The following PSORS1C1 variants were observed in gnomAD, a reference collection of about 807,000 sequenced individuals.
PSORS1C1 encodes psoriasis susceptibility 1 candidate gene 1 protein.
A neutral mutation model predicts 9.4 loss-of-function variants in PSORS1C1; 7 were observed. That is an observed-to-expected ratio of 0.75 (90% confidence interval 0.42 to 1.40). The LOEUF is 1.40. Among genes scored for constraint, PSORS1C1 ranks in the 40% most tolerant of loss-of-function variants. PSORS1C1 has a pLI of 0.01. For missense variants in PSORS1C1, 146 were observed against 178.1 expected (o/e 0.82, Z 1.02); for synonymous variants, 63 against 69.4 (o/e 0.91, Z 0.46).
chr6:31,138,288 C>T (rs2233950), intron 3 of PSORS1C1, 142 bp from the exon 4 acceptor site: 57,537 of 1,585,792 alleles, frequency 0.036, 1,670 homozygotes, highest in East Asian at 0.072. Flanking sequence ...AGAGGGGTGG[C>T]CCTCGCTGCC....
At chr6:31,133,308 G>A (rs1408817846) in intron 3 of PSORS1C1, among the ~76,000 whole-genome samples, 3 of 152,190 alleles carry the variant, frequency 2.0e-5, no homozygotes, top group Non-Finnish European at 4.4e-5. Flanking sequence ...GGAAGGAGTG[G>A]TGTAGGCAGA....
At chr6:31,129,548 C>A in intron 2 of PSORS1C1, 21 bp from the exon 3 acceptor site, 1 of 773,340 alleles carries the variant, frequency 1.3e-6, no homozygotes. Context: ...CTCTTTCCCA[C>A]TCACCTACCT....
chr6:31,140,032 C>G lies in PSORS1C1; in HGVS notation c.*100C>G, dbSNP rs766209931. Reference sequence around the variant, plus strand: ...AACATGTCCAAAATAAAATTTGATTCCTCCCAGGTTGTTCCCTGCCTGGTC... The same window carrying G: ...AACATGTCCAAAATAAAATTTGATTGCTCCCAGGTTGTTCCCTGCCTGGTC... On this transcript the variant is annotated 3_prime_UTR_variant, in exon 6 of 6. Transcript: ENST00000259881. This position sits in a 1 kb window ranked among gnomAD's most constrained non-coding sequence, Gnocchi z 4.6. 1.7e-6 allele frequency: 2 copies of G among 1,199,264 alleles called. No homozygotes were observed. Among genetic ancestry groups the G allele is most frequent in the African/African-American group, 3.0e-5 (2 of 65,842 alleles). The allele number at this position is 1,199,264 out of a possible 1,614,324, so 74.3% of individuals were successfully genotyped here.
chr6:31,137,044 A>G (rs193168791), intron 3 of PSORS1C1, among the ~76,000 whole-genome samples: 2 of 152,264 alleles, frequency 1.3e-5, no homozygotes, highest in Admixed American at 6.5e-5. Flanking sequence ...GCTACTCAGA[A>G]GGCTGAGGCA....
At chr6:31,136,925 C>A (rs3130572) in intron 3 of PSORS1C1, among the ~76,000 whole-genome samples, 15,478 of 151,630 alleles carry the variant, frequency 0.1, 835 homozygotes, top group Middle Eastern at 0.21. Flanking sequence ...CCGAGGTGGG[C>A]AGATCACGAT....
intron 1 of PSORS1C1, chr6:31,117,183 G>A (rs1456102487): frequency 1.2e-6 from 2 of 1,611,862 alleles, no homozygotes; most frequent in Non-Finnish European, 8.5e-7. Flanking sequence ...AGTGAGAGCC[G>A]CTGTTTCCCG....
At chr6:31,127,463 C>A (rs1365341656) in intron 2 of PSORS1C1, among the ~76,000 whole-genome samples, 5 of 152,038 alleles carry the variant, frequency 3.3e-5, no homozygotes, top group Admixed American at 1.3e-4. Flanking sequence ...CACCAGAGAC[C>A]GGCGCCGACT....
chr6:31,138,491 A>G (rs3130573), intron 4 of PSORS1C1, 32 bp downstream of exon 4: 551,441 of 1,609,828 alleles, frequency 0.34, 96,815 homozygotes, highest in African/African-American at 0.45. Context: ...TGATGGTAAA[A>G]TGTCATGAAC....
chr6:31,122,027 C>T (rs1469528945), intron 1 of PSORS1C1, among the ~76,000 whole-genome samples: 1 of 152,104 alleles, frequency 6.6e-6, no homozygotes, highest in Non-Finnish European at 1.5e-5. Flanking sequence ...GGACAGGGTC[C>T]CCTGAAGGGG....
At chr6:31,137,606 C>G in intron 3 of PSORS1C1, 1 of 318,454 alleles carries the variant, frequency 3.1e-6, no homozygotes, top group Non-Finnish European at 5.7e-6. Context: ...CTGCCGCCGG[C>G]CACCAGGTGG....
rs142210172 is a variant in PSORS1C1 at position 31,125,146 on chromosome 6, G to A, written c.-228-530G>A. Among the ~76,000 whole-genome samples, 424 of 152,262 alleles carry A rather than the reference G, an allele frequency of 2.8e-3. 5 individuals carry two copies. The highest frequency in any genetic ancestry group is 0.01 in the Middle Eastern group (3 of 294). ...GGAAGAAGGAAAATGGAGTGAGCAC[G>A]AGGAAGAGAAAAAGCCTGGAAAAGC... On this transcript the variant is annotated intron_variant, in intron 1 of 5. Coordinates refer to ENST00000259881, the MANE Select transcript of PSORS1C1 (RefSeq NM_014068.3).
chr6:31,117,609 G>A (rs576964985), intron 1 of PSORS1C1: 204 of 1,219,910 alleles, frequency 1.7e-4, no homozygotes, highest in Middle Eastern at 8.0e-4. Context: ...CTCAGTCATC[G>A]GCCTCTCGGG....
chr6:31,117,926 C>A, intron 1 of PSORS1C1: 1 of 195,014 alleles, frequency 5.1e-6, no homozygotes. Flanking sequence ...TAGACCCCGT[C>A]TGTATTTTGT....
Position 31,139,607 on chromosome 6 carries a change from C to T in PSORS1C1, c.168-34C>T. On this transcript the variant is annotated intron_variant, in intron 5 of 5. Transcript: ENST00000259881. This position sits in a 1 kb window ranked among gnomAD's most constrained non-coding sequence, Gnocchi z 5.2. Reference sequence around the variant, plus strand: ...GGCACTTCCCTTCCCCCATGGGATCCAGGCATCCTGCTCTCCACCATGTCC... The same window carrying T: ...GGCACTTCCCTTCCCCCATGGGATCTAGGCATCCTGCTCTCCACCATGTCC... 1 of 1,597,820 alleles carries T rather than the reference C, an allele frequency of 6.3e-7. No individual in the cohort carries two copies.
At chr6:31,116,268 G>A (rs1219728851) in intron 1 of PSORS1C1, 1 of 1,614,156 alleles carries the variant, frequency 6.2e-7, no homozygotes, top group South Asian at 1.1e-5. Flanking sequence ...TGGACTTGCT[G>A]CCACAAGGCT....
At chr6:31,116,331 G>A (rs758172158) in intron 1 of PSORS1C1, 15 of 1,613,446 alleles carry the variant, frequency 9.3e-6, no homozygotes, top group East Asian at 2.2e-5. Context: ...TGAAGGAGCC[G>A]GTGCCTGGTG....
intron 1 of PSORS1C1, among the ~76,000 whole-genome samples, chr6:31,122,896 T>C (rs369652795): frequency 6.6e-6 from 1 of 151,968 alleles, no homozygotes; most frequent in East Asian, 1.9e-4. Flanking sequence ...ACTGGGGTAA[T>C]GAGGGGAGTG....
chr6:31,133,106 C>T (rs1304645306), intron 3 of PSORS1C1, among the ~76,000 whole-genome samples: 3 of 151,990 alleles, frequency 2.0e-5, no homozygotes, highest in African/African-American at 4.8e-5. Flanking sequence ...GAGGCATAGG[C>T]GGGGCTGTTG....
intron 3 of PSORS1C1, among the ~76,000 whole-genome samples, chr6:31,136,144 T>C (rs1026517718): frequency 1.3e-5 from 2 of 152,066 alleles, no homozygotes; most frequent in Non-Finnish European, 2.9e-5. Context: ...CCTAGCACTT[T>C]GGGAGGCCAG....
Sources: allele counts gnomAD v4.1 joint callset (sites outside exome capture counted in the v4.1 genomes callset), GRCh38; gene constraint gnomAD v4.1.1; non-coding constraint Gnocchi (gnomAD v3.1); transcripts MANE v1.5; gene names NCBI Gene and HGNC (gene_info 2026-07-23, HGNC 2026-07-21).